The following PIK3R6 variants were observed in gnomAD, a reference collection of about 807,000 sequenced individuals.
The protein encoded by PIK3R6 is phosphoinositide 3-kinase regulatory subunit 6.
Under a neutral mutation model 84.9 loss-of-function variants are expected in PIK3R6, and 91 were observed. That is an observed-to-expected ratio of 1.07 (90% confidence interval 0.90 to 1.28). The LOEUF (loss-of-function observed/expected upper bound fraction) is 1.28. PIK3R6 is among the 50% of genes most tolerant of loss of function. The pLI, the probability that PIK3R6 is intolerant of heterozygous loss-of-function variation, is 0.00. For synonymous variants in PIK3R6, 416 were observed against 411.4 expected, an observed-to-expected ratio of 1.01 and a Z score of -0.13; for missense variants, 996 against 985.1, an observed-to-expected ratio of 1.01 and a Z score of -0.15.
At chr17:8,852,738 CA>C (rs34620144) in intron 1 of PIK3R6, among the ~76,000 whole-genome samples, 190 of 101,830 alleles carry the variant, frequency 1.9e-3, no homozygotes, top group Middle Eastern at 5.6e-3. Context: ...GACTCTGTCT[CA>C]AAAAAAAAAA....
intron 18 of PIK3R6, among the ~76,000 whole-genome samples, chr17:8,815,504 C>CAAA (rs200757846): frequency 7.8e-6 from 1 of 127,560 alleles, no homozygotes; most frequent in Admixed American, 8.5e-5. Flanking sequence ...GACTCAGTCT[C>CAAA]AGAAAAAAAA....
Position 8,829,931 on chromosome 17 carries a change from A to T in PIK3R6, c.803-139T>A, listed in dbSNP as rs1034381679. ...TCCTTCACATCTGGTCTGCCTTTCC[A>T]TCTCTGCCACCACCAGCCCATCCAG... On this transcript the variant is annotated intron_variant, in intron 9 of 19. Coordinates refer to ENST00000619866, the MANE Select transcript of PIK3R6 (RefSeq NM_001010855.4). The T allele has an allele frequency of 3.0e-5, 19 of 636,244 alleles. No homozygotes were observed. In the African/African-American group the frequency reaches 3.1e-4, roughly 11 times the overall value. The allele number at this position is 636,244 out of a possible 1,614,324, so 39.4% of individuals were successfully genotyped here.
In PIK3R6 at chr17:8,838,572, G is replaced by T. The variant is rs1400397194; in HGVS notation, c.181C>A (p.Leu61Met). Reference sequence around the variant, plus strand: ...GAGGTCCAGGAACTCACCTTCTCCAGTTCTCTGAGAAGAATGCGGACCAGC... The same window carrying T: ...GAGGTCCAGGAACTCACCTTCTCCATTTCTCTGAGAAGAATGCGGACCAGC... ...PVLVRILLRELEKAESQDLRH... is the reference protein window; with the variant it reads ...PVLVRILLREMEKAESQDLRH... Residue 61 changes from leucine (L) to methionine (M), a missense_variant, in exon 4 of 20, where the codon CTG becomes ATG. Transcript: ENST00000619866. 1 of 1,599,796 alleles carries T rather than the reference G, an allele frequency of 6.3e-7. No individual in the cohort carries two copies. The highest frequency in any genetic ancestry group is 1.7e-5 in the Admixed American group (1 of 58,052).
chr17:8,818,830 C>T (rs1300438907), intron 18 of PIK3R6, among the ~76,000 whole-genome samples: 1 of 152,084 alleles, frequency 6.6e-6, no homozygotes, highest in East Asian at 1.9e-4. Flanking sequence ...GTCTTGGGTC[C>T]TCAAATGGTC....
chr17:8,821,947 G>A lies in PIK3R6; in HGVS notation c.1789-11C>T, dbSNP rs2087747628. Reference sequence around the variant, plus strand: ...GTGGCTAAGCAAGGCCTGAGGAGGGGGATCGAGGAACAGGTGGAGGTGCTC... The same window carrying A: ...GTGGCTAAGCAAGGCCTGAGGAGGGAGATCGAGGAACAGGTGGAGGTGCTC... On this transcript the variant is annotated splice_polypyrimidine_tract_variant and intron_variant, in intron 16 of 19. Transcript: ENST00000619866. The A allele has an allele frequency of 6.4e-7, 1 of 1,564,632 alleles. No homozygotes were observed. Among genetic ancestry groups the A allele is most frequent in the East Asian group, 2.4e-5 (1 of 42,348 alleles).
chr17:8,829,112 C>T, intron 10 of PIK3R6, 122 bp from the exon 11 acceptor site: 1 of 926,670 alleles, frequency 1.1e-6, no homozygotes, highest in Non-Finnish European at 1.6e-6. Context: ...CATAAAGACA[C>T]ACATATGAAC....
chr17:8,828,003 C>G (rs2088004269), intron 12 of PIK3R6, 109 bp downstream of exon 12: 1 of 1,164,246 alleles, frequency 8.6e-7, no homozygotes. Flanking sequence ...TCTAAGGATG[C>G]TTACTCTAGT....
chr17:8,838,974 G>A (rs199711850), intron 3 of PIK3R6, among the ~76,000 whole-genome samples: 1 of 152,218 alleles, frequency 6.6e-6, no homozygotes, highest in East Asian at 1.9e-4. Context: ...TGTGCTCCGA[G>A]CCACATTCTG....
chr17:8,850,025 T>C (rs562116177), intron 1 of PIK3R6, 140 bp from the exon 2 acceptor site: 80 of 420,130 alleles, frequency 1.9e-4, no homozygotes, highest in African/African-American at 1.5e-3. Context: ...AACTTATGAC[T>C]GGGTGCAGTG....
At chr17:8,819,689 T>TATATATAC (rs374733654) in intron 17 of PIK3R6, among the ~76,000 whole-genome samples, 13,383 of 135,320 alleles carry the variant, frequency 0.099, 729 homozygotes, top group Middle Eastern at 0.14. Context: ...TATATATATA[T>TATATATAC]ACACACACAC....
At chr17:8,833,287 G>A (rs1402956843) in intron 8 of PIK3R6, among the ~76,000 whole-genome samples, 1 of 152,244 alleles carries the variant, frequency 6.6e-6, no homozygotes, top group African/African-American at 2.4e-5. Flanking sequence ...GGTCTGCAAT[G>A]TCTGTTACCC....
rs893353407 is a variant in PIK3R6 at position 8,837,878 on chromosome 17, A to G, written c.190-7T>C. 1.2e-6 allele frequency: 2 copies of G among 1,612,566 alleles called. No homozygotes were observed. Among genetic ancestry groups the G allele is most frequent in the African/African-American group, 2.7e-5 (2 of 74,892 alleles). On this transcript the variant is annotated splice_region_variant and splice_polypyrimidine_tract_variant and intron_variant, in intron 4 of 19. Coordinates refer to ENST00000619866, the MANE Select transcript of PIK3R6 (RefSeq NM_001010855.4). ...GGAGGTCCTGGCTTTCCGCCTGGAA[A>G]ACAGGAGATCACGTGACAGGTATTG...
chr17:8,808,681 GAC>G (rs2087271715), intron 18 of PIK3R6, among the ~76,000 whole-genome samples: 1 of 152,216 alleles, frequency 6.6e-6, no homozygotes, highest in African/African-American at 2.4e-5. Flanking sequence ...CAGGGCAGAA[GAC>G]ACAGATTTGG....
chr17:8,850,790 C>CAT (rs1312870993), intron 1 of PIK3R6, among the ~76,000 whole-genome samples: 1 of 152,062 alleles, frequency 6.6e-6, no homozygotes, highest in Non-Finnish European at 1.5e-5. Context: ...TGATAAATGT[C>CAT]ATATATATAT....
intron 4 of PIK3R6, 111 bp downstream of exon 4, chr17:8,838,453 T>G: frequency 2.2e-6 from 2 of 914,802 alleles, no homozygotes; most frequent in South Asian, 1.6e-5. Flanking sequence ...GTAAAAATCA[T>G]GCAGGCAACC....
intron 18 of PIK3R6, among the ~76,000 whole-genome samples, chr17:8,806,586 G>A (rs1410292331): frequency 6.6e-6 from 1 of 152,320 alleles, no homozygotes; most frequent in East Asian, 1.9e-4. Context: ...CCAGTGGAAA[G>A]GGCCAGATGC....
chr17:8,830,072 A>G (rs968002755), intron 9 of PIK3R6, among the ~76,000 whole-genome samples: 1 of 152,038 alleles, frequency 6.6e-6, no homozygotes, highest in Admixed American at 6.5e-5. Context: ...GCCTTTTCCA[A>G]CCTATGCTCC....
chr17:8,819,908 A>T (rs999948429), intron 17 of PIK3R6, among the ~76,000 whole-genome samples: 1 of 142,706 alleles, frequency 7.0e-6, no homozygotes, highest in African/African-American at 2.7e-5. Flanking sequence ...GTGTATACAT[A>T]CATATATATA....
intron 18 of PIK3R6, among the ~76,000 whole-genome samples, chr17:8,817,503 A>G (rs2087578311): frequency 6.6e-6 from 1 of 152,116 alleles, no homozygotes. Flanking sequence ...TTAGCTGGGC[A>G]TGGAGGCATG....
Sources: allele counts gnomAD v4.1 joint callset (sites outside exome capture counted in the v4.1 genomes callset), GRCh38; gene constraint gnomAD v4.1.1; transcripts MANE v1.5; gene names NCBI Gene and HGNC (gene_info 2026-07-23, HGNC 2026-07-21).